The following CCDC171 variants were observed in gnomAD, a reference collection of about 807,000 sequenced individuals.
CCDC171 encodes the protein coiled-coil domain containing 171, also known as coiled-coil domain-containing protein 171.
Under a neutral mutation model 168.2 loss-of-function variants are expected in CCDC171, and 177 were observed. The observed-to-expected ratio is 1.05, with a 90% CI of 0.93 to 1.19. CCDC171 has a LOEUF of 1.19. Ranked by LOEUF, CCDC171 falls within the 50% of genes most tolerant of loss-of-function variation. CCDC171 has a pLI of 0.00. For missense variants in CCDC171, 1,991 were observed against 1,539.0 expected (o/e 1.29, Z -4.91); for synonymous variants, 687 against 540.8 (o/e 1.27, Z -3.75).
At chr9:15,639,099 G>A (rs753026190) in intron 7 of CCDC171, among the ~76,000 whole-genome samples, 6 of 151,852 alleles carry the variant, frequency 4.0e-5, no homozygotes, top group Non-Finnish European at 5.9e-5. Context: ...CTCTAAATGC[G>A]TACTATCTTC....
chr9:15,578,961 T>A lies in CCDC171; in HGVS notation c.290T>A (p.Leu97His). 1 of 1,614,056 alleles carries A rather than the reference T, an allele frequency of 6.2e-7. No individual in the cohort carries two copies. Residue 97 changes from leucine (L) to histidine (H), a missense_variant, in exon 4 of 26, where the codon CTT (leucine) becomes CAT (histidine). Coordinates refer to ENST00000380701, the MANE Select transcript of CCDC171 (RefSeq NM_173550.4). ...DLAVARKEAGLGRRAAEERLA... is the reference protein window; with the variant it reads ...DLAVARKEAGHGRRAAEERLA... ...GCTGTTGCTAGAAAGGAAGCTGGTC[T>A]TGGAAGACGGGCTGCTGAAGAAAGA...
At chr9:15,573,405 C>T (rs2040389285) in intron 3 of CCDC171, among the ~76,000 whole-genome samples, 1 of 152,064 alleles carries the variant, frequency 6.6e-6, no homozygotes, top group Non-Finnish European at 1.5e-5. Context: ...CCTCAGCCTC[C>T]CCAGTAGCTG....
At chr9:16,041,600 C>T (rs957171099), upstream of CCDC171, among the ~76,000 whole-genome samples, 10 of 152,068 alleles carry the variant, frequency 6.6e-5, no homozygotes, top group Non-Finnish European at 1.3e-4. Flanking sequence ...ATTATTTTTT[C>T]TTTTAGCCTA....
At position 15,828,683 on chromosome 9, in the gene CCDC171, C is replaced by T. The variant is rs1269473358; in HGVS notation, c.3268-18019C>T. 2.0e-5 allele frequency among the ~76,000 whole-genome samples: 3 copies of T among 152,166 alleles called. No individual in the cohort carries two copies. In the East Asian group the frequency reaches 5.8e-4, roughly 29 times the overall value. On this transcript the variant is annotated intron_variant, in intron 21 of 25. Transcript: ENST00000380701. Reference sequence around the variant, plus strand: ...GAAGCCTGCATATTATGTGTAAAAGCCGTAGGTTGTCAAAGAATGAAAACT... The same window carrying T: ...GAAGCCTGCATATTATGTGTAAAAGTCGTAGGTTGTCAAAGAATGAAAACT...
chr9:15,693,386 A>G (rs925360689), intron 10 of CCDC171, among the ~76,000 whole-genome samples: 1 of 152,172 alleles, frequency 6.6e-6, no homozygotes, highest in Non-Finnish European at 1.5e-5. Flanking sequence ...TCTGTTGATA[A>G]CATGCTATAA....
In CCDC171 at chr9:15,846,841, C is replaced by G; in HGVS notation, c.3407C>G (p.Ala1136Gly). 1 of 1,604,810 alleles carries G rather than the reference C, an allele frequency of 6.2e-7. No homozygotes were observed. The highest frequency in any genetic ancestry group is 8.5e-7 in the Non-Finnish European group (1 of 1,175,028). ...IHDAESALRM[A>G]AKDKECVANH... ...GATGCAGAGAGTGCCCTCCGCATGG[C>G]AGCCAAGTGAGCATTTGGACCTTGG... Residue 1136 changes from alanine (A) to glycine (G), a missense_variant, in exon 22 of 26, where the codon GCA becomes GGA. By Grantham distance (60) the Ala-to-Gly change is moderately conservative. Transcript: ENST00000380701.
chr9:15,798,348 A>C (rs2058659609), intron 21 of CCDC171, among the ~76,000 whole-genome samples: 1 of 152,086 alleles, frequency 6.6e-6, no homozygotes, highest in Non-Finnish European at 1.5e-5. Flanking sequence ...TGTTCATTTC[A>C]AAAAACATAA....
rs546955869 is a variant in CCDC171 at position 15,788,076 on chromosome 9, C to G, written c.3267+3382C>G. 2.6e-5 allele frequency among the ~76,000 whole-genome samples: 4 copies of G among 152,186 alleles called. No individual in the cohort carries two copies. In the South Asian group the frequency reaches 8.3e-4, roughly 32 times the overall value. ...TTGCCAGTAGCTTAAATATTGTTGT[C>G]AGGAATGGAGAATTGTTTAATTACT... On this transcript the variant is annotated intron_variant, in intron 21 of 25. Coordinates refer to ENST00000380701, the MANE Select transcript of CCDC171 (RefSeq NM_173550.4).
At chr9:16,065,185 T>C (rs1373065367), downstream of CCDC171, among the ~76,000 whole-genome samples, 1 of 152,172 alleles carries the variant, frequency 6.6e-6, no homozygotes, top group Non-Finnish European at 1.5e-5. Context: ...TAAGGGAACC[T>C]TTTTAGTCTG....
intron 10 of CCDC171, among the ~76,000 whole-genome samples, chr9:15,686,642 A>T (rs2133578953): frequency 6.6e-6 from 1 of 152,324 alleles, no homozygotes; most frequent in African/African-American, 2.4e-5. Flanking sequence ...TAGACTTTAG[A>T]ATAAAAATGT....
intron 21 of CCDC171, among the ~76,000 whole-genome samples, chr9:15,829,383 C>T (rs1342949073): frequency 6.6e-6 from 1 of 152,084 alleles, no homozygotes; most frequent in African/African-American, 2.4e-5. Context: ...AAATTAGGAC[C>T]ACTTAAATGT....
chr9:15,571,580 C>G (rs375640554), intron 2 of CCDC171, 44 bp from the exon 3 acceptor site: 17 of 1,426,808 alleles, frequency 1.2e-5, no homozygotes, highest in Non-Finnish European at 1.5e-5. Flanking sequence ...CTGAAATGTG[C>G]TTTATGAGAA....
intron 25 of CCDC171, among the ~76,000 whole-genome samples, chr9:15,943,473 A>G (rs1827950358): frequency 6.6e-6 from 1 of 152,022 alleles, no homozygotes; most frequent in South Asian, 2.1e-4. Flanking sequence ...AACATATAAT[A>G]GCAATGAATT....
intron 24 of CCDC171, among the ~76,000 whole-genome samples, chr9:15,908,353 T>C (rs980458616): frequency 6.6e-6 from 1 of 152,056 alleles, no homozygotes; most frequent in African/African-American, 2.4e-5. Context: ...ATGTCCTTTG[T>C]AGGGACATGG....
At position 15,641,354 on chromosome 9, in the gene CCDC171, A is replaced by G. The variant is rs56109907; in HGVS notation, c.823-15773A>G. 9.2e-3 allele frequency among the ~76,000 whole-genome samples: 1,401 copies of G among 152,144 alleles called. 17 individuals carry two copies. The highest frequency in any genetic ancestry group is 0.031 in the African/African-American group (1,298 of 41,502). On this transcript the variant is annotated intron_variant, in intron 7 of 25. Coordinates refer to ENST00000380701, the MANE Select transcript of CCDC171 (RefSeq NM_173550.4). ...TTTCATATCTCAGTTTTTCTTCTTG[A>G]CTAATTGTTTTAAGTTCAAATCCTC...
chr9:16,096,003 A>G, the CCDC171 span, among the ~76,000 whole-genome samples: 2 of 151,654 alleles, frequency 1.3e-5, no homozygotes, highest in Admixed American at 1.3e-4. Context: ...CTATGTTTCT[A>G]TACACTGTGA....
At chr9:15,876,949 A>G (rs144501805) in intron 24 of CCDC171, among the ~76,000 whole-genome samples, 1 of 152,248 alleles carries the variant, frequency 6.6e-6, no homozygotes, top group Non-Finnish European at 1.5e-5. Context: ...TGTCATTTAC[A>G]GAAGTAGGAG....
chr9:15,556,719 T>A (rs907244152), intron 1 of CCDC171, among the ~76,000 whole-genome samples: 1 of 151,956 alleles, frequency 6.6e-6, no homozygotes, highest in East Asian at 1.9e-4. Context: ...TAGTTTCTTT[T>A]GCTGTGCAGA....
At chr9:15,874,772 C>A in intron 24 of CCDC171, 109 bp downstream of exon 24, 1 of 1,060,048 alleles carries the variant, frequency 9.4e-7, no homozygotes, top group Non-Finnish European at 1.3e-6. Flanking sequence ...AAAGGAGATG[C>A]AAATAGATGT....
Sources: allele counts gnomAD v4.1 joint callset (sites outside exome capture counted in the v4.1 genomes callset), GRCh38; gene constraint gnomAD v4.1.1; transcripts MANE v1.5; gene names NCBI Gene and HGNC (gene_info 2026-07-23, HGNC 2026-07-21).